The following TMCC2 variants were observed in gnomAD, a reference collection of about 807,000 sequenced individuals.
TMCC2 encodes the protein transmembrane and coiled-coil domain family 2.
TMCC2 carries 16 observed loss-of-function variants against 49.4 expected under a neutral mutation model. The observed-to-expected ratio is 0.32, with a 90% CI of 0.22 to 0.49. The LOEUF (loss-of-function observed/expected upper bound fraction) is 0.49, where lower values mean the gene tolerates loss of function less well. TMCC2 is among the 20% of genes least tolerant of loss of function. The pLI is 0.99. For synonymous variants in TMCC2, 397 were observed against 434.1 expected (o/e 0.91, Z 1.06); for missense variants, 762 against 989.8 (o/e 0.77, Z 3.09).
chr1:205,234,317 G>C (rs1237048152), intron 1 of TMCC2, among the ~76,000 whole-genome samples: 7 of 152,032 alleles, frequency 4.6e-5, no homozygotes, highest in African/African-American at 1.7e-4. Context: ...ATGGTGGCGG[G>C]CACCTGTAGT....
In TMCC2 at chr1:205,264,693, T is replaced by G. The variant is rs1661251052; in HGVS notation, c.748-4257T>G. On this transcript the variant is annotated intron_variant, in intron 2 of 4. Coordinates refer to ENST00000358024, the MANE Select transcript of TMCC2 (RefSeq NM_014858.4). This position sits in a 1 kb window ranked among gnomAD's most constrained non-coding sequence, Gnocchi z 4.2. Reference sequence around the variant, plus strand: ...TGTTAGTAGAGACAGGGTTTCACCATGTTGGCCAGGCTGGTCTCCAACTCC... The same window carrying G: ...TGTTAGTAGAGACAGGGTTTCACCAGGTTGGCCAGGCTGGTCTCCAACTCC... 6.6e-6 allele frequency among the ~76,000 whole-genome samples: 1 copy of G among 152,186 alleles called. No individual in the cohort carries two copies. Among genetic ancestry groups the G allele is most frequent in the Non-Finnish European group, 1.5e-5 (1 of 68,040 alleles).
chr1:205,233,952 C>T (rs531700388), intron 1 of TMCC2: 82 of 151,856 alleles, frequency 5.4e-4, no homozygotes, highest in African/African-American at 1.9e-3. Flanking sequence ...TTCATAAGAA[C>T]GTAGGTGGAA....
In TMCC2 at chr1:205,228,738, C is replaced by G. The variant is rs139015976; in HGVS notation, c.174C>G (p.Asn58Lys). 2,108 of 1,609,572 alleles carry G rather than the reference C, an allele frequency of 1.3e-3. 4 individuals are homozygous for G. The highest frequency in any genetic ancestry group is 1.7e-3 in the Admixed American group (102 of 59,516). ...TSDAGAAAAP[N>K]PGPRSKPPDL... ...ACGCCGGCGCTGCCGCGGCGCCCAA[C>G]CCAGGTCCCCGAAGCAAGCCTCCTG... The change falls in exon 1 of 5, where the codon AAC (asparagine) becomes AAG (lysine). Residue 58 changes from asparagine to lysine, a missense_variant. Physicochemically the swap from Asn to Lys is moderately conservative, Grantham distance 94. Transcript: ENST00000358024.
intron 2 of TMCC2, among the ~76,000 whole-genome samples, chr1:205,254,631 T>C (rs1258666648): frequency 1.3e-5 from 2 of 152,222 alleles, no homozygotes; most frequent in Admixed American, 1.3e-4. Flanking sequence ...GTTCAGTTAT[T>C]GTGCTGATGG....
At chr1:205,255,421 G>A (rs1660824990) in intron 2 of TMCC2, among the ~76,000 whole-genome samples, 1 of 152,100 alleles carries the variant, frequency 6.6e-6, no homozygotes, top group Admixed American at 6.5e-5. Context: ...TGGGCGTGGT[G>A]GTGCACGCCT....
At chr1:205,260,265 G>C (rs568835281) in intron 2 of TMCC2, among the ~76,000 whole-genome samples, 2 of 152,344 alleles carry the variant, frequency 1.3e-5, no homozygotes, top group South Asian at 4.1e-4. Flanking sequence ...TGGATAGGGA[G>C]CTGGGTGGCA....
rs140687186 is a variant in TMCC2 at position 205,271,928 on chromosome 1, A to G, written c.1934A>G (p.Lys645Arg). ...ENANARALLG[K>R]FINVILALMA... Reference sequence around the variant, plus strand: ...GCCAACGCGCGGGCGCTGCTGGGCAAGTTCATCAACGTGATCCTGGCGCTC... The same window carrying G: ...GCCAACGCGCGGGCGCTGCTGGGCAGGTTCATCAACGTGATCCTGGCGCTC... The change falls in exon 5 of 5, where the codon AAG (lysine) becomes AGG (arginine). Residue 645 changes from lysine to arginine, a missense_variant. Lys to Arg is a conservative substitution (Grantham distance 26). Coordinates refer to ENST00000358024, the MANE Select transcript of TMCC2 (RefSeq NM_014858.4). 5.0e-6 allele frequency: 8 copies of G among 1,614,086 alleles called. No individual in the cohort carries two copies. The African/African-American group carries it at 6.7e-5, about 13-fold the overall frequency.
intron 4 of TMCC2, 61 bp downstream of exon 4, chr1:205,271,316 G>C: frequency 1.9e-6 from 3 of 1,612,946 alleles, no homozygotes; most frequent in Non-Finnish European, 1.7e-6. Flanking sequence ...AGCAGCCAGA[G>C]GGTTAGGGTT....
chr1:205,267,438 C>A (rs1337080581), intron 2 of TMCC2, among the ~76,000 whole-genome samples: 5 of 152,106 alleles, frequency 3.3e-5, no homozygotes, highest in Non-Finnish European at 7.4e-5. Flanking sequence ...CACCCCTGCC[C>A]CCTCCCATAC....
chr1:205,271,739 G>A (rs1661602792), intron 4 of TMCC2, 74 bp from the exon 5 acceptor site: 1 of 1,538,000 alleles, frequency 6.5e-7, no homozygotes, highest in South Asian at 1.2e-5. Context: ...CCTTCTCAGT[G>A]GGGTAGGTAG....
At chr1:205,232,316 C>G (rs757365473) in intron 1 of TMCC2, among the ~76,000 whole-genome samples, 72 of 152,300 alleles carry the variant, frequency 4.7e-4, no homozygotes, top group Admixed American at 2.6e-4. Flanking sequence ...CCTGTGGGAC[C>G]TTCGGGGAAA....
At chr1:205,232,276 C>T (rs1659829218) in intron 1 of TMCC2, among the ~76,000 whole-genome samples, 1 of 152,178 alleles carries the variant, frequency 6.6e-6, no homozygotes, top group African/African-American at 2.4e-5. Flanking sequence ...CATGCAGATA[C>T]ATTGAGGGCC....
chr1:205,264,407 C>G lies in TMCC2; in HGVS notation c.748-4543C>G, dbSNP rs936622049. Reference sequence around the variant, plus strand: ...AGTCTTGGCTCACTGCAACTTCCGCCTCCCAGGTTCAAGTGATTCTTCTGC... The same window carrying G: ...AGTCTTGGCTCACTGCAACTTCCGCGTCCCAGGTTCAAGTGATTCTTCTGC... On this transcript the variant is annotated intron_variant, in intron 2 of 4. Coordinates refer to ENST00000358024, the MANE Select transcript of TMCC2 (RefSeq NM_014858.4). This position sits in a 1 kb window ranked among gnomAD's most constrained non-coding sequence, Gnocchi z 4.2. Among the ~76,000 whole-genome samples the G allele has an allele frequency of 2.6e-4, 39 of 152,182 alleles. No homozygotes were observed. Among genetic ancestry groups the G allele is most frequent in the African/African-American group, 8.4e-4 (35 of 41,444 alleles).
At chr1:205,237,720 A>G (rs1344919517) in intron 1 of TMCC2, among the ~76,000 whole-genome samples, 1 of 152,226 alleles carries the variant, frequency 6.6e-6, no homozygotes, top group African/African-American at 2.4e-5. Context: ...AGACGGATGA[A>G]GCCCAACTGT....
chr1:205,241,991 G>A lies in TMCC2; in HGVS notation c.694G>A (p.Asp232Asn), dbSNP rs375013816. 29 of 1,609,244 alleles carry A rather than the reference G, an allele frequency of 1.8e-5. No individual in the cohort carries two copies. Among genetic ancestry groups the A allele is most frequent in the East Asian group, 1.6e-4 (7 of 44,854 alleles). Reference sequence around the variant, plus strand: ...CACCGACACTGCTCTGCTGCTGGCCGACGGCAGCAACGTGTACCTCCTGGC... The same window carrying A: ...CACCGACACTGCTCTGCTGCTGGCCAACGGCAGCAACGTGTACCTCCTGGC... ...STTDTALLLA[D>N]GSNVYLLAEE... is the part of the protein sequence containing the mutation. The change falls in exon 2 of 5, where the codon GAC becomes AAC. Residue 232 changes from aspartate to asparagine, a missense_variant. Physicochemically the swap from Asp to Asn is conservative, Grantham distance 23. Transcript: ENST00000358024. The surrounding 1 kb of genome is among the most constrained non-coding windows in gnomAD (Gnocchi z 7.3).
intron 2 of TMCC2, chr1:205,268,155 G>T (rs1028215002): frequency 1.0e-4 from 87 of 846,732 alleles, no homozygotes; most frequent in Non-Finnish European, 1.2e-4. Flanking sequence ...GGCAGGCAGG[G>T]CACAAAGTGT....
intron 1 of TMCC2, among the ~76,000 whole-genome samples, chr1:205,235,146 T>C (rs190851681): frequency 5.3e-5 from 8 of 152,234 alleles, no homozygotes; most frequent in African/African-American, 1.9e-4. Context: ...TTGCACCTTA[T>C]ATGAAGCAGG....
intron 2 of TMCC2, among the ~76,000 whole-genome samples, chr1:205,263,340 C>A (rs75932904): frequency 9.9e-5 from 15 of 152,276 alleles, no homozygotes; most frequent in African/African-American, 3.6e-4. Flanking sequence ...ATGGAGAAGG[C>A]AGGACGGGGC....
Position 205,250,144 on chromosome 1 carries a change from G to A in TMCC2, c.747+8100G>A, listed in dbSNP as rs187324716. ...GACACCAGAGATCATAAGCTGCAGC[G>A]TCCTCTTGACTTTTCAGACAGAATC... On this transcript the variant is annotated intron_variant, in intron 2 of 4. Coordinates refer to ENST00000358024, the MANE Select transcript of TMCC2 (RefSeq NM_014858.4). Among the ~76,000 whole-genome samples the A allele has an allele frequency of 3.8e-4, 58 of 152,294 alleles. No individual in the cohort carries two copies. In the East Asian group the frequency reaches 9.8e-3, roughly 26 times the overall value.
Sources: allele counts gnomAD v4.1 joint callset (sites outside exome capture counted in the v4.1 genomes callset), GRCh38; gene constraint gnomAD v4.1.1; non-coding constraint Gnocchi (gnomAD v3.1); transcripts MANE v1.5; gene names NCBI Gene and HGNC (gene_info 2026-07-23, HGNC 2026-07-21).